Variants in TRIM42 observed in about 807,000 individuals in gnomAD.
The protein encoded by TRIM42 is tripartite motif containing 42, also known as tripartite motif-containing protein 42.
TRIM42 carries 59 observed loss-of-function variants against 64.9 expected under a neutral mutation model. That is an observed-to-expected ratio of 0.91 (90% CI 0.74 to 1.13). The LOEUF is 1.13. Ranked by LOEUF, TRIM42 falls within the 50% of genes most tolerant of loss-of-function variation. The pLI is 0.00. For synonymous variants in TRIM42, 354 were observed against 346.3 expected (o/e 1.02, Z -0.25); for missense variants, 878 against 929.5 (o/e 0.94, Z 0.72).
Position 140,700,799 on chromosome 3 carries a change from G to A in TRIM42, c.2086-89G>A, listed in dbSNP as rs956923931. ...GGTGGTCGTGAGGAGTTAATGAAAT[G>A]ATGTGTGTAGTGTCTGACATGCAGA... On this transcript the variant is annotated intron_variant, in intron 4 of 4. Transcript: ENST00000286349. The A allele has an allele frequency of 7.0e-6, 8 of 1,141,478 alleles. No homozygotes were observed. In the African/African-American group the frequency reaches 1.2e-4, roughly 18 times the overall value. 70.7% of individuals were successfully genotyped at this position (1,141,478 alleles called of 1,614,324 possible).
At chr3:140,693,641 G>A (rs1323551347) in intron 4 of TRIM42, among the ~76,000 whole-genome samples, 1 of 152,182 alleles carries the variant, frequency 6.6e-6, no homozygotes, top group African/African-American at 2.4e-5. Context: ...TCAGTTCTAT[G>A]CAGGTATTCC....
chr3:140,695,247 C>CA (rs1243619434), intron 4 of TRIM42, among the ~76,000 whole-genome samples: 2 of 151,526 alleles, frequency 1.3e-5, no homozygotes, highest in African/African-American at 4.8e-5. Flanking sequence ...GACTCCATGT[C>CA]AAAAAAATAA....
intron 4 of TRIM42, among the ~76,000 whole-genome samples, chr3:140,695,334 T>C (rs1423391769): frequency 6.6e-6 from 1 of 152,142 alleles, no homozygotes; most frequent in Non-Finnish European, 1.5e-5. Flanking sequence ...GTTCTGGGAT[T>C]GGGACATGGA....
chr3:140,696,039 C>T (rs143196284), intron 4 of TRIM42, among the ~76,000 whole-genome samples: 2 of 152,270 alleles, frequency 1.3e-5, no homozygotes, highest in Non-Finnish European at 2.9e-5. Context: ...AGTATAATTT[C>T]GGATCATGCT....
intron 2 of TRIM42, among the ~76,000 whole-genome samples, chr3:140,686,714 A>G (rs1380550671): frequency 1.3e-5 from 2 of 152,210 alleles, no homozygotes; most frequent in Non-Finnish European, 2.9e-5. Flanking sequence ...TTGCCCATCA[A>G]TTCACTGAAG....
rs535746554 is a variant in TRIM42 at position 140,683,167 on chromosome 3, C to A, written c.1039+8C>A. 6.2e-7 allele frequency: 1 copy of A among 1,613,096 alleles called. No individual in the cohort carries two copies. Among genetic ancestry groups the A allele is most frequent in the East Asian group, 2.2e-5 (1 of 44,856 alleles). On this transcript the variant is annotated splice_region_variant and intron_variant, in intron 2 of 4. Transcript: ENST00000286349. ...TCGCCAAGTTCAAAGCAGGTCCTCC[C>A]CTTTTCCACTCCTTCAGCCTAACTT...
rs201398114 is a variant in TRIM42, at chr3:140,682,811, C to T, written c.691C>T (p.Arg231Cys). Residue 231 changes from arginine to cysteine, a missense_variant, in exon 2 of 5, where the codon CGC becomes TGC. Arg to Cys is a radical substitution (Grantham distance 180). Transcript: ENST00000286349. ...CGGCTACCTCAAGTGGCGCTTTGAC[C>T]GCTCCTCCGGGCCCATCCTCTGCCA... ...EHGYLKWRFD[R>C]SSGPILCQVC... 4 of 1,614,026 alleles carry T rather than the reference C, an allele frequency of 2.5e-6. No individual in the cohort carries two copies. Among genetic ancestry groups the T allele is most frequent in the Non-Finnish European group, 3.4e-6 (4 of 1,180,042 alleles).
chr3:140,678,179 T>C lies in TRIM42; in HGVS notation c.-51T>C. On this transcript the variant is annotated 5_prime_UTR_variant, in exon 1 of 5. Coordinates refer to ENST00000286349, the MANE Select transcript of TRIM42 (RefSeq NM_152616.5). Reference sequence around the variant, plus strand: ...TGGAGAACTGATAGCAGTATTCTGGTAGAGGAGGCATCAAGAGTCCTGGGA... The same window carrying C: ...TGGAGAACTGATAGCAGTATTCTGGCAGAGGAGGCATCAAGAGTCCTGGGA... The C allele has an allele frequency of 2.0e-6, 3 of 1,484,988 alleles. No homozygotes were observed. The highest frequency in any genetic ancestry group is 1.2e-5 in the South Asian group (1 of 83,002). The allele number at this position is 1,484,988 out of a possible 1,614,324, so 92.0% of individuals were successfully genotyped here.
At chr3:140,678,621 G>T (rs967304507) in intron 1 of TRIM42, 51 bp downstream of exon 1, 1 of 1,492,518 alleles carries the variant, frequency 6.7e-7, no homozygotes, top group Non-Finnish European at 9.1e-7. Flanking sequence ...GAAAACTAGG[G>T]ACCACTTGCC....
intron 4 of TRIM42, among the ~76,000 whole-genome samples, chr3:140,696,400 A>G (rs983681444): frequency 2.0e-5 from 3 of 152,122 alleles, no homozygotes; most frequent in Non-Finnish European, 1.5e-5. Flanking sequence ...CAGAATGTGC[A>G]TTTGTTCACC....
At chr3:140,699,436 A>T (rs1320358400) in intron 4 of TRIM42, among the ~76,000 whole-genome samples, 4 of 152,150 alleles carry the variant, frequency 2.6e-5, no homozygotes, top group Non-Finnish European at 5.9e-5. Context: ...AGCCTGGGGC[A>T]TTTGGGGCAG....
intron 1 of TRIM42, 30 bp from the exon 2 acceptor site, chr3:140,682,432 C>G: frequency 6.3e-7 from 1 of 1,594,890 alleles, no homozygotes; most frequent in Non-Finnish European, 8.6e-7. Flanking sequence ...AGCCTGCCTC[C>G]TGAAACCCTG....
chr3:140,682,493 G>C lies in TRIM42; in HGVS notation c.373G>C (p.Asp125His). The part of the protein sequence containing the change: ...SKTALRTGSS[D>H]TQVDEVKSIP... ...GACTGCCCTGCGCACTGGGAGCAGCGATACCCAGGTGGATGAAGTAAAGTC... is the reference window on the plus strand; with the variant it reads ...GACTGCCCTGCGCACTGGGAGCAGCCATACCCAGGTGGATGAAGTAAAGTC... Residue 125 changes from aspartate (D) to histidine (H), a missense_variant, in exon 2 of 5, where the codon GAT (aspartate) becomes CAT (histidine). Asp to His is a moderately conservative substitution (Grantham distance 81, BLOSUM62 -1). Coordinates refer to ENST00000286349, the MANE Select transcript of TRIM42 (RefSeq NM_152616.5). 2 of 1,614,116 alleles carry C rather than the reference G, an allele frequency of 1.2e-6. No individual in the cohort carries two copies. Among genetic ancestry groups the C allele is most frequent in the Non-Finnish European group, 1.7e-6 (2 of 1,180,012 alleles).
At chr3:140,695,227 G>A (rs1332171726) in intron 4 of TRIM42, among the ~76,000 whole-genome samples, 19 of 152,080 alleles carry the variant, frequency 1.2e-4, no homozygotes, top group African/African-American at 4.6e-4. Context: ...CAGCCTGGGT[G>A]ACAGAGTGAG....
rs778325086 is a variant in TRIM42 at position 140,688,435 on chromosome 3, C to A, written c.1753C>A (p.Gln585Lys). 5 of 1,614,084 alleles carry A rather than the reference C, an allele frequency of 3.1e-6. No individual in the cohort carries two copies. In the South Asian group the frequency reaches 5.5e-5, roughly 18 times the overall value. The change falls in exon 3 of 5, where the codon CAG becomes AAG. Residue 585 changes from glutamine (Q) to lysine (K), a missense_variant. Gln to Lys is a moderately conservative substitution (Grantham distance 53, BLOSUM62 1). Coordinates refer to ENST00000286349, the MANE Select transcript of TRIM42 (RefSeq NM_152616.5). ...WSAGADSQSV[Q>K]NSSSFHNWYS... ...TGCTGGAGCAGACAGCCAGTCTGTACAGAACAGCAGCAGCTTCCACAACTG... is the reference window on the plus strand; with the variant it reads ...TGCTGGAGCAGACAGCCAGTCTGTAAAGAACAGCAGCAGCTTCCACAACTG...
intron 1 of TRIM42, among the ~76,000 whole-genome samples, chr3:140,681,377 C>T (rs544719135): frequency 3.9e-5 from 6 of 152,296 alleles, no homozygotes; most frequent in East Asian, 3.9e-4. Flanking sequence ...ACCTTTTAGA[C>T]TTTATAAAAA....
Position 140,678,124 on chromosome 3 carries a change from C to A in TRIM42, c.-106C>A. 1 of 1,050,516 alleles carries A rather than the reference C, an allele frequency of 9.5e-7. No individual in the cohort carries two copies. Among genetic ancestry groups the A allele is most frequent in the Non-Finnish European group, 1.4e-6 (1 of 702,030 alleles). The allele number at this position is 1,050,516 out of a possible 1,614,324, so 65.1% of individuals were successfully genotyped here. On this transcript the variant is annotated 5_prime_UTR_variant, in exon 1 of 5. Transcript: ENST00000286349. The stretch of plus-strand genomic sequence containing the variant: ...CTTCTTGCAACTTTCAAGCTGACGG[C>A]CTCAGGAATGGGAGGAAGGACTCCT...
chr3:140,680,059 C>G (rs1424385142), intron 1 of TRIM42, among the ~76,000 whole-genome samples: 1 of 151,984 alleles, frequency 6.6e-6, no homozygotes. Flanking sequence ...AAGAACAGGC[C>G]TGATTTTGGG....
chr3:140,683,290 C>A, intron 2 of TRIM42, 131 bp downstream of exon 2: 1 of 941,030 alleles, frequency 1.1e-6, no homozygotes, highest in Non-Finnish European at 1.6e-6. Context: ...CACCAGGAAA[C>A]ACTGTGCTAC....
Sources: gnomAD v4.1 joint callset for allele counts (sites outside exome capture counted in the v4.1 genomes callset) on GRCh38, gnomAD v4.1.1 for gene constraint, MANE v1.5 for transcripts, NCBI Gene and HGNC (gene_info 2026-07-23, HGNC 2026-07-21) for gene names.